Variants in GLRA2 observed in about 807,000 individuals in gnomAD.
The protein encoded by GLRA2 is glycine receptor alpha 2, also known as glycine receptor subunit alpha-2.
GLRA2 carries 11 observed loss-of-function variants against 31.6 expected under a neutral mutation model. That is an observed-to-expected ratio of 0.35 (90% CI 0.22 to 0.58). The LOEUF is 0.58. GLRA2 is among the 20% of genes least tolerant of loss of function. The pLI is 0.84. For missense variants in GLRA2, 212 were observed against 351.8 expected, an observed-to-expected ratio of 0.60 and a Z score of 3.18; for synonymous variants, 132 against 134.0, an observed-to-expected ratio of 0.99 and a Z score of 0.10.
intron 5 of GLRA2, among the ~76,000 whole-genome samples, chrX:14,606,212 A>G (rs3027387): frequency 0.025 from 2,713 of 108,813 alleles, 93 homozygotes; most frequent in African/African-American, 0.084. Flanking sequence ...CTCACATAAT[A>G]TCCTCTGTCC....
intron 8 of GLRA2, among the ~76,000 whole-genome samples, chrX:14,708,406 G>A (rs748322545): frequency 9.0e-6 from 1 of 111,365 alleles, no homozygotes; most frequent in Non-Finnish European, 1.9e-5. Context: ...GGGGTCATTT[G>A]GTTGCCATGA....
chrX:14,665,354 G>A (rs993316218), intron 7 of GLRA2, among the ~76,000 whole-genome samples: 1 of 111,804 alleles, frequency 8.9e-6, no homozygotes, highest in Non-Finnish European at 1.9e-5. Flanking sequence ...TATTGGAGGC[G>A]GCCATATACA....
At chrX:14,625,994 G>A (rs893988678) in intron 7 of GLRA2, among the ~76,000 whole-genome samples, 1 of 111,859 alleles carries the variant, frequency 8.9e-6, no homozygotes, top group Admixed American at 9.5e-5. Flanking sequence ...CAGGCAGTCT[G>A]GCTCCAAGTT....
At chrX:14,513,314 T>C in the GLRA2 span, among the ~76,000 whole-genome samples, 3 of 111,391 alleles carry the variant, frequency 2.7e-5, no homozygotes, top group African/African-American at 9.8e-5. Context: ...CCATAAAAAC[T>C]CTAGAAGATA....
chrX:14,609,265 G>A, intron 7 of GLRA2, 60 bp downstream of exon 7: 1 of 765,684 alleles, frequency 1.3e-6, no homozygotes, highest in Non-Finnish European at 2.0e-6. Flanking sequence ...TTGTGGGCTG[G>A]AGAGTTCTGT....
intron 7 of GLRA2, among the ~76,000 whole-genome samples, chrX:14,680,816 T>C (rs1369600143): frequency 1.8e-5 from 2 of 111,723 alleles, no homozygotes; most frequent in African/African-American, 3.3e-5. Context: ...AGAAGCCAAA[T>C]ATGAGCTTGG....
intron 4 of GLRA2, among the ~76,000 whole-genome samples, chrX:14,588,491 G>A (rs762201105): frequency 9.0e-6 from 1 of 111,715 alleles, no homozygotes; most frequent in Non-Finnish European, 1.9e-5. Context: ...TAGCCTTATA[G>A]TACAGTTTGA....
At chrX:14,477,067 C>T in the GLRA2 span, among the ~76,000 whole-genome samples, 1 of 111,480 alleles carries the variant, frequency 9.0e-6, no homozygotes, top group Admixed American at 9.6e-5. Flanking sequence ...GGCAATCATC[C>T]TCTCTTGGTC....
chrX:14,536,478 A>G (rs1304897145), intron 2 of GLRA2, among the ~76,000 whole-genome samples: 3 of 112,191 alleles, frequency 2.7e-5, no homozygotes, highest in African/African-American at 9.7e-5. Flanking sequence ...GAAGACCAAA[A>G]TGCTTGCAAG....
intron 8 of GLRA2, among the ~76,000 whole-genome samples, chrX:14,724,391 C>T (rs748990260): frequency 3.7e-5 from 4 of 109,579 alleles, no homozygotes; most frequent in Non-Finnish European, 5.7e-5. Context: ...TTTGGGAGGC[C>T]GAAGCGGGTG....
chrX:14,679,468 A>T (rs1275044562), intron 7 of GLRA2, among the ~76,000 whole-genome samples: 3 of 110,204 alleles, frequency 2.7e-5, no homozygotes, highest in African/African-American at 9.9e-5. Flanking sequence ...ATACATCTAT[A>T]CTCCACCTCA....
rs763430109 is a variant in GLRA2, at chrX:14,574,214, T to A, written c.203-119T>A. 7.0e-4 allele frequency: 353 copies of A among 505,911 alleles called. 1 individual carries two copies. The African/African-American group carries it at 7.1e-3, about 10-fold the overall frequency. 41.7% of individuals were successfully genotyped at this position (505,911 alleles called of 1,213,427 possible). A position where few individuals can be genotyped will look rare whatever the true frequency, so the allele number is the denominator to read the frequency against. ...TTATGCACCTCAGGGTAAAACTTTT[T>A]TTTTGGCAATCTCACCATCATTTTA... On this transcript the variant is annotated intron_variant, in intron 2 of 8. Transcript: ENST00000218075.
the GLRA2 span, among the ~76,000 whole-genome samples, chrX:14,512,982 G>T: frequency 9.0e-6 from 1 of 111,652 alleles, no homozygotes; most frequent in Non-Finnish European, 1.9e-5. Flanking sequence ...CAAAAGAGCA[G>T]ATCTAGAGGC....
chrX:14,528,485 T>C (rs2089209756), upstream of GLRA2, among the ~76,000 whole-genome samples: 1 of 112,069 alleles, frequency 8.9e-6, no homozygotes, highest in African/African-American at 3.2e-5. Context: ...TGGTAGGACA[T>C]GCATTTTTCA....
chrX:14,725,355 T>C (rs986634549), intron 8 of GLRA2, among the ~76,000 whole-genome samples: 1 of 110,998 alleles, frequency 9.0e-6, no homozygotes, highest in Non-Finnish European at 1.9e-5. Flanking sequence ...GCTTGGGAGA[T>C]TTTTTCAGTG....
At chrX:14,645,146 G>A (rs752440276) in intron 7 of GLRA2, among the ~76,000 whole-genome samples, 71 of 111,763 alleles carry the variant, frequency 6.4e-4, no homozygotes, top group Admixed American at 1.0e-3. Flanking sequence ...TAATAGCATA[G>A]GTAGGTAAAG....
At chrX:14,458,635 G>T in the GLRA2 span, among the ~76,000 whole-genome samples, 12 of 112,497 alleles carry the variant, frequency 1.1e-4, no homozygotes, top group East Asian at 8.3e-4. Flanking sequence ...ATGATGAGCA[G>T]TTTTTCATCT....
the GLRA2 span, among the ~76,000 whole-genome samples, chrX:14,474,400 G>C: frequency 9.0e-6 from 1 of 111,548 alleles, no homozygotes; most frequent in Non-Finnish European, 1.9e-5. Context: ...TAGGGGGTTT[G>C]AGTAGGGGCT....
chrX:14,496,684 G>A, the GLRA2 span, among the ~76,000 whole-genome samples: 14 of 112,168 alleles, frequency 1.2e-4, no homozygotes, highest in African/African-American at 4.2e-4. Flanking sequence ...ATATGTGCAG[G>A]AGGTACTTGC....
Sources: gnomAD v4.1 joint callset for allele counts (sites outside exome capture counted in the v4.1 genomes callset) on GRCh38, gnomAD v4.1.1 for gene constraint, MANE v1.5 for transcripts, NCBI Gene and HGNC (gene_info 2026-07-23, HGNC 2026-07-21) for gene names.